The following TBL1XR1 variants were observed in gnomAD, a reference collection of about 807,000 sequenced individuals.
TBL1XR1 encodes TBL1X/Y related 1.
TBL1XR1 carries 5 observed loss-of-function variants against 66.9 expected under a neutral mutation model. That is an observed-to-expected ratio of 0.07 (90% CI 0.04 to 0.16). The LOEUF is 0.16. TBL1XR1 is among the 10% of genes least tolerant of loss of function. TBL1XR1 has a pLI of 1.00. For synonymous variants in TBL1XR1, 210 were observed against 206.0 expected (o/e 1.02, Z -0.17); for missense variants, 238 against 623.2 (o/e 0.38, Z 6.58).
At chr3:177,076,391 CTCTT>C (rs1720706968) in intron 2 of TBL1XR1, among the ~76,000 whole-genome samples, 1 of 152,100 alleles carries the variant, frequency 6.6e-6, no homozygotes, top group Non-Finnish European at 1.5e-5. Context: ...CCCAAATTTT[CTCTT>C]TTTTATAAGG....
At position 177,051,633 on chromosome 3, in the gene TBL1XR1, T is replaced by C; in HGVS notation, c.298A>G (p.Arg100Gly). The C allele has an allele frequency of 6.2e-7, 1 of 1,613,564 alleles. No individual in the cohort carries two copies. The highest frequency in any genetic ancestry group is 8.5e-7 in the Non-Finnish European group (1 of 1,179,662). Residue 100 changes from arginine (R) to glycine (G), a missense_variant, in exon 5 of 16, where the codon AGA (arginine) becomes GGA (glycine). Coordinates refer to ENST00000457928, the MANE Select transcript of TBL1XR1 (RefSeq NM_024665.7). Reference sequence around the variant, plus strand: ...GCCTGTTGCTGTGCAAGCTTATCTCTATAAGCTTGTTGTCTTGTTTGTACT... The same window carrying C: ...GCCTGTTGCTGTGCAAGCTTATCTCCATAAGCTTGTTGTCTTGTTTGTACT... ...DVVQTRQQAY[R>G]DKLAQQQAAA...
chr3:177,196,871 G>C (rs1320046189), intron 1 of TBL1XR1, among the ~76,000 whole-genome samples: 1 of 152,016 alleles, frequency 6.6e-6, no homozygotes, highest in Non-Finnish European at 1.5e-5. Flanking sequence ...AAGGGTAGGG[G>C]GGTGGGCAGG....
intron 1 of TBL1XR1, among the ~76,000 whole-genome samples, chr3:177,183,221 G>A (rs773173348): frequency 6.6e-6 from 1 of 152,066 alleles, no homozygotes; most frequent in Admixed American, 6.6e-5. Context: ...TCCTTTGAAC[G>A]AGTATTTTCT....
At chr3:177,056,306 G>A (rs1006070710) in intron 3 of TBL1XR1, among the ~76,000 whole-genome samples, 1 of 152,222 alleles carries the variant, frequency 6.6e-6, no homozygotes, top group African/African-American at 2.4e-5. Context: ...TAGAGTTTAA[G>A]TTTAAAGTAA....
At chr3:177,150,772 T>C (rs913686949) in intron 1 of TBL1XR1, among the ~76,000 whole-genome samples, 21 of 152,196 alleles carry the variant, frequency 1.4e-4, no homozygotes, top group African/African-American at 4.1e-4. Flanking sequence ...AGTAATTATC[T>C]AAGGACGCTG....
intron 1 of TBL1XR1, among the ~76,000 whole-genome samples, chr3:177,132,207 G>A (rs1198943504): frequency 8.5e-5 from 13 of 152,158 alleles, no homozygotes. Flanking sequence ...GCAAAAATAT[G>A]CCTATGTGGC....
rs1712847279 is a variant in TBL1XR1, at chr3:177,024,713, G to GGA, written c.*784_*785insTC. ...AGCCACATCACCAAAAAACAAAAAA[G>GGA]AAAAAAAAAAAAAAAAAGCAAAACA... is the stretch of plus-strand genomic sequence containing the variant. On this transcript the variant is annotated 3_prime_UTR_variant, in exon 16 of 16. Transcript: ENST00000457928. 1 of 85,376 alleles carries GGA rather than the reference G, an allele frequency of 1.2e-5. No homozygotes were observed. The highest frequency in any genetic ancestry group is 2.5e-5 in the Non-Finnish European group (1 of 39,968). The allele number at this position is 85,376 out of a possible 1,614,324, so 5.3% of individuals were successfully genotyped here. A position where few individuals can be genotyped will look rare whatever the true frequency, so the allele number is the denominator to read the frequency against.
upstream of TBL1XR1, among the ~76,000 whole-genome samples, chr3:177,199,746 A>C (rs1045854410): frequency 2.0e-5 from 3 of 152,054 alleles, no homozygotes; most frequent in African/African-American, 7.2e-5. Flanking sequence ...TATACCCTAC[A>C]CCAAGCTGCC....
In TBL1XR1 at chr3:177,019,757, T is replaced by C. The variant is rs965105108; in HGVS notation, c.*5741A>G. On this transcript the variant is annotated 3_prime_UTR_variant, in exon 16 of 16. Transcript: ENST00000457928. Reference sequence around the variant, plus strand: ...TAGTTTCAGCTTTCCCTCAAGCTTATAAGGATTCTAATCCTTAGGAGTCCA... The same window carrying C: ...TAGTTTCAGCTTTCCCTCAAGCTTACAAGGATTCTAATCCTTAGGAGTCCA... 5.3e-5 allele frequency: 8 copies of C among 152,176 alleles called. No individual in the cohort carries two copies. The highest frequency in any genetic ancestry group is 1.7e-4 in the African/African-American group (7 of 41,440). The allele number at this position is 152,176 out of a possible 1,614,324, so 9.4% of individuals were successfully genotyped here. A position where few individuals can be genotyped will look rare whatever the true frequency, so the allele number is the denominator to read the frequency against.
intron 1 of TBL1XR1, among the ~76,000 whole-genome samples, chr3:177,191,424 G>A (rs1233735704): frequency 6.6e-6 from 1 of 152,162 alleles, no homozygotes; most frequent in Non-Finnish European, 1.5e-5. Context: ...CACACAAACT[G>A]GGCCTAAATT....
chr3:177,052,654 A>G (rs557506187), intron 4 of TBL1XR1, among the ~76,000 whole-genome samples: 3 of 152,358 alleles, frequency 2.0e-5, no homozygotes, highest in Admixed American at 2.0e-4. Flanking sequence ...CTGAGGAAAC[A>G]AACAAATCCA....
chr3:177,132,582 TA>T (rs1041259795), intron 1 of TBL1XR1, among the ~76,000 whole-genome samples: 3 of 152,026 alleles, frequency 2.0e-5, no homozygotes, highest in African/African-American at 7.2e-5. Context: ...TAACAGTGGT[TA>T]AAAAAATAAA....
rs2108379404 is a variant in TBL1XR1, at chr3:177,026,718, C to T, written c.1417-244G>A. ...AGTTTCTCCAGTCTTGATAACCATT[C>T]TTGGCTAAGGTATCTGGTCTCTCTG... is the stretch of plus-strand genomic sequence containing the variant. On this transcript the variant is annotated intron_variant, in intron 14 of 15. Transcript: ENST00000457928. The T allele has an allele frequency of 1.0e-5, 4 of 389,244 alleles. No individual in the cohort carries two copies. In the East Asian group the frequency reaches 1.8e-4, roughly 18 times the overall value. 24.1% of individuals were successfully genotyped at this position (389,244 alleles called of 1,614,324 possible). A position where few individuals can be genotyped will look rare whatever the true frequency, so the allele number is the denominator to read the frequency against.
At chr3:177,189,385 T>A (rs1020064989) in intron 1 of TBL1XR1, among the ~76,000 whole-genome samples, 5 of 151,790 alleles carry the variant, frequency 3.3e-5, no homozygotes, top group African/African-American at 1.2e-4. Flanking sequence ...GGCGTGGTGG[T>A]ACACGCCTGT....
upstream of TBL1XR1, among the ~76,000 whole-genome samples, chr3:177,198,406 C>G (rs909906524): frequency 1.3e-5 from 2 of 152,128 alleles, no homozygotes; most frequent in Non-Finnish European, 1.5e-5. Context: ...AAATATATAC[C>G]TGCACAGTGG....
chr3:177,079,762 C>T lies in TBL1XR1; in HGVS notation c.-45-14740G>A, dbSNP rs1017255084. 3 of 148,048 alleles carry T rather than the reference C, an allele frequency of 2.0e-5. No homozygotes were observed. In the East Asian group the frequency reaches 5.9e-4, roughly 29 times the overall value. 9.2% of individuals were successfully genotyped at this position (148,048 alleles called of 1,614,324 possible). A position where few individuals can be genotyped will look rare whatever the true frequency, so the allele number is the denominator to read the frequency against. The stretch of plus-strand genomic sequence containing the variant: ...AATAAGAGTTAGACAAGAATGAGGA[C>T]TAGTAACTAATGAGGGTAGCAAATC... On this transcript the variant is annotated intron_variant, in intron 2 of 15. Coordinates refer to ENST00000457928, the MANE Select transcript of TBL1XR1 (RefSeq NM_024665.7).
chr3:177,154,892 C>T (rs561294182), intron 1 of TBL1XR1, among the ~76,000 whole-genome samples: 130 of 152,128 alleles, frequency 8.5e-4, no homozygotes, highest in African/African-American at 2.9e-3. Context: ...AGATCACACA[C>T]AGAGAACAAA....
At chr3:177,113,991 C>T (rs1040120389) in intron 1 of TBL1XR1, among the ~76,000 whole-genome samples, 27 of 152,106 alleles carry the variant, frequency 1.8e-4, no homozygotes, top group Admixed American at 3.3e-4. Flanking sequence ...AGCAATCCCA[C>T]TACTGGGTAA....
chr3:177,105,493 T>C (rs1724769608), intron 1 of TBL1XR1, among the ~76,000 whole-genome samples: 1 of 152,252 alleles, frequency 6.6e-6, no homozygotes, highest in African/African-American at 2.4e-5. Context: ...CTGACATTCC[T>C]ACATCTTAAT....
Sources: allele counts gnomAD v4.1 joint callset (sites outside exome capture counted in the v4.1 genomes callset), GRCh38; gene constraint gnomAD v4.1.1; transcripts MANE v1.5; gene names NCBI Gene and HGNC (gene_info 2026-07-23, HGNC 2026-07-21).